The following SHISA6 variants were observed in gnomAD, a reference collection of about 807,000 sequenced individuals.
SHISA6 encodes the protein protein shisa-6.
In SHISA6, 22 loss-of-function variants were observed where a neutral mutation model predicts 47.9. The observed-to-expected ratio is 0.46, with a 90% CI of 0.33 to 0.66. The LOEUF (loss-of-function observed/expected upper bound fraction) is 0.66, where lower values mean the gene tolerates loss of function less well. Among genes scored for constraint, SHISA6 ranks in the 30% least tolerant of loss-of-function variants. The probability of loss-of-function intolerance (pLI) is 0.02; values close to 1 mark genes in which losing one functional copy is unlikely to be tolerated. For synonymous variants in SHISA6, 388 were observed against 337.8 expected (o/e 1.15, Z -1.63); for missense variants, 680 against 764.6 (o/e 0.89, Z 1.30).
chr17:11,552,860 A>G (rs2071943026), intron 4 of SHISA6, among the ~76,000 whole-genome samples: 1 of 152,238 alleles, frequency 6.6e-6, no homozygotes, highest in African/African-American at 2.4e-5. Context: ...TGGGGTCTAA[A>G]AAGTTAGAAC....
intron 3 of SHISA6, among the ~76,000 whole-genome samples, chr17:11,456,538 T>A (rs999388350): frequency 1.3e-5 from 2 of 152,236 alleles, no homozygotes; most frequent in African/African-American, 4.8e-5. Flanking sequence ...CATAAGATGA[T>A]GAATTCAGAC....
chr17:11,294,797 C>A (rs1163313719), intron 2 of SHISA6, among the ~76,000 whole-genome samples: 1 of 152,136 alleles, frequency 6.6e-6, no homozygotes, highest in Non-Finnish European at 1.5e-5. Context: ...TTGGTTCTTA[C>A]AATAGACATT....
Position 11,439,273 on chromosome 17 carries a change from A to G in SHISA6, c.895+59764A>G, listed in dbSNP as rs143490805. 2.0e-5 allele frequency among the ~76,000 whole-genome samples: 3 copies of G among 152,074 alleles called. No individual in the cohort carries two copies. The East Asian group carries it at 5.8e-4, about 30-fold the overall frequency. The stretch of plus-strand genomic sequence containing the variant: ...TAGATGCGGTCAAGGGGGTCGGAGG[A>G]CTCTGGGTGGGTCATCAGTAGTGTC... On this transcript the variant is annotated intron_variant, in intron 3 of 5. Coordinates refer to ENST00000441885, the MANE Select transcript of SHISA6 (RefSeq NM_207386.4).
At chr17:11,247,583 A>G (rs1033654679) in intron 1 of SHISA6, among the ~76,000 whole-genome samples, 7 of 152,084 alleles carry the variant, frequency 4.6e-5, no homozygotes, top group African/African-American at 1.4e-4. Flanking sequence ...TCAATTTACA[A>G]GCATGTAAGA....
chr17:11,513,261 A>C (rs948899322), intron 3 of SHISA6, among the ~76,000 whole-genome samples: 1 of 151,616 alleles, frequency 6.6e-6, no homozygotes, highest in Non-Finnish European at 1.5e-5. Context: ...TATGCACATA[A>C]GATACATACA....
intron 3 of SHISA6, among the ~76,000 whole-genome samples, chr17:11,535,691 C>G (rs186163043): frequency 1.3e-5 from 2 of 152,236 alleles, no homozygotes; most frequent in Admixed American, 6.5e-5. Flanking sequence ...TCAAGAGCAT[C>G]GTGTTTGGAG....
intron 1 of SHISA6, among the ~76,000 whole-genome samples, chr17:11,247,035 G>T (rs890808433): frequency 2.0e-5 from 3 of 152,058 alleles, no homozygotes; most frequent in African/African-American, 7.2e-5. Flanking sequence ...TCATTTCTGG[G>T]AATCGACTGC....
intron 3 of SHISA6, among the ~76,000 whole-genome samples, chr17:11,515,969 C>G (rs769770080): frequency 3.3e-5 from 5 of 152,198 alleles, no homozygotes; most frequent in Non-Finnish European, 5.9e-5. Context: ...AAGCATCTCT[C>G]TCTCCATCCA....
intron 2 of SHISA6, among the ~76,000 whole-genome samples, chr17:11,266,532 A>G (rs1908429565): frequency 6.6e-6 from 1 of 152,246 alleles, no homozygotes; most frequent in African/African-American, 2.4e-5. Context: ...GATCTTGGGC[A>G]AGATTCTTTG....
intron 3 of SHISA6, among the ~76,000 whole-genome samples, chr17:11,437,810 T>A (rs1226716182): frequency 6.6e-6 from 1 of 152,164 alleles, no homozygotes; most frequent in Non-Finnish European, 1.5e-5. Context: ...GATGTAGTGG[T>A]GGTTTTGGTT....
chr17:11,433,013 A>G (rs928302280), intron 3 of SHISA6, among the ~76,000 whole-genome samples: 1 of 152,176 alleles, frequency 6.6e-6, no homozygotes, highest in African/African-American at 2.4e-5. Flanking sequence ...TACACAAAAA[A>G]CCATTGAATC....
At chr17:11,531,211 C>CTGTGTGTG (rs58392834) in intron 3 of SHISA6, among the ~76,000 whole-genome samples, 17 of 133,966 alleles carry the variant, frequency 1.3e-4, no homozygotes, top group South Asian at 2.6e-4. Flanking sequence ...GGTTACTACT[C>CTGTGTGTG]TGTGTGTGTG....
Position 11,561,404 on chromosome 17 carries a change from C to T in SHISA6, c.*3100C>T, listed in dbSNP as rs2072042119. ...TGATGGCATTGAAGCTTTCACAATC[C>T]CTCCTGCATCTCCACCTTCCCTGTC... On this transcript the variant is annotated 3_prime_UTR_variant, in exon 6 of 6. Transcript: ENST00000441885. 1 of 152,390 alleles carries T rather than the reference C, an allele frequency of 6.6e-6. No individual in the cohort carries two copies. The highest frequency in any genetic ancestry group is 1.5e-5 in the Non-Finnish European group (1 of 68,202). The allele number at this position is 152,390 out of a possible 1,614,324, so 9.4% of individuals were successfully genotyped here. A position where few individuals can be genotyped will look rare whatever the true frequency, so the allele number is the denominator to read the frequency against.
intron 3 of SHISA6, among the ~76,000 whole-genome samples, chr17:11,434,064 C>CTTTTT (rs1367652038): frequency 7.2e-6 from 1 of 138,054 alleles, no homozygotes; most frequent in Non-Finnish European, 1.6e-5. Context: ...TTTTTTCTCT[C>CTTTTT]TTTTTTTTTT....
At chr17:11,554,728 G>T (rs1247504264) in intron 4 of SHISA6, among the ~76,000 whole-genome samples, 1 of 152,078 alleles carries the variant, frequency 6.6e-6, no homozygotes, top group Non-Finnish European at 1.5e-5. Flanking sequence ...TTGACTTGTT[G>T]TGGCTTCTCC....
At chr17:11,273,545 A>G (rs551250530) in intron 2 of SHISA6, among the ~76,000 whole-genome samples, 1 of 152,356 alleles carries the variant, frequency 6.6e-6, no homozygotes, top group South Asian at 2.1e-4. Flanking sequence ...CTTGAGAGGA[A>G]GGCTGGCCTA....
intron 3 of SHISA6, among the ~76,000 whole-genome samples, chr17:11,396,763 G>A (rs1209678865): frequency 6.6e-6 from 1 of 152,146 alleles, no homozygotes; most frequent in East Asian, 1.9e-4. Flanking sequence ...GCAAGGGAAG[G>A]GAGAGCATTA....
chr17:11,413,737 C>A (rs909032071), intron 3 of SHISA6, among the ~76,000 whole-genome samples: 2 of 152,152 alleles, frequency 1.3e-5, no homozygotes, highest in African/African-American at 4.8e-5. Context: ...CAAAGGAGGG[C>A]AGAGCCATGT....
chr17:11,259,260 A>G (rs1908136579), intron 1 of SHISA6, among the ~76,000 whole-genome samples: 1 of 152,126 alleles, frequency 6.6e-6, no homozygotes, highest in African/African-American at 2.4e-5. Flanking sequence ...TGGAATGTGA[A>G]TTCAGCACTT....
Sources: allele counts gnomAD v4.1 joint callset (sites outside exome capture counted in the v4.1 genomes callset), GRCh38; gene constraint gnomAD v4.1.1; transcripts MANE v1.5; gene names NCBI Gene and HGNC (gene_info 2026-07-23, HGNC 2026-07-21).